Variants in DPP6 observed in about 807,000 individuals in gnomAD.
DPP6 encodes the protein A-type potassium channel modulatory protein DPP6.
DPP6 carries 69 observed loss-of-function variants against 122.6 expected under a neutral mutation model. The ratio of observed to expected loss-of-function variants is 0.56; its 90% CI spans 0.46 to 0.69. The LOEUF is 0.69. DPP6 is among the 30% of genes least tolerant of loss of function. The pLI is 0.00. For missense variants in DPP6, 928 were observed against 1,116.9 expected, an observed-to-expected ratio of 0.83 and a Z score of 2.41; for synonymous variants, 418 against 433.1, an observed-to-expected ratio of 0.97 and a Z score of 0.43.
rs1445310914 is a variant in DPP6 at position 154,321,849 on chromosome 7, C to T, written c.244-124365C>T. Among the ~76,000 whole-genome samples, 3 of 151,516 alleles carry T rather than the reference C, an allele frequency of 2.0e-5. No homozygotes were observed. In the East Asian group the frequency reaches 5.8e-4, roughly 29 times the overall value. ...GGCTTTACAGAGGAGCTTCTCTTCC[C>T]TGCAGGTAGCGGCCTTAGACCCTTG... On this transcript the variant is annotated intron_variant, in intron 1 of 25. Coordinates refer to ENST00000377770, the MANE Select transcript of DPP6 (RefSeq NM_130797.4).
At chr7:154,456,149 C>T (rs1311299795) in intron 2 of DPP6, among the ~76,000 whole-genome samples, 4 of 152,180 alleles carry the variant, frequency 2.6e-5, no homozygotes, top group Admixed American at 2.6e-4. Flanking sequence ...GTAAAATGAA[C>T]TAAGCAGGTC....
intron 1 of DPP6, among the ~76,000 whole-genome samples, chr7:154,266,391 C>T (rs1265381875): frequency 2.0e-5 from 3 of 152,114 alleles, no homozygotes; most frequent in African/African-American, 7.2e-5. Flanking sequence ...CCAGCCTTGG[C>T]CTCCCAAAGT....
At chr7:153,939,080 A>G (rs1480775408) in intron 1 of DPP6, among the ~76,000 whole-genome samples, 12 of 152,214 alleles carry the variant, frequency 7.9e-5, no homozygotes, top group Non-Finnish European at 1.5e-4. Context: ...CTACAATCAG[A>G]AAAATCATAA....
intron 1 of DPP6, among the ~76,000 whole-genome samples, chr7:154,308,692 A>G (rs940151667): frequency 1.3e-5 from 2 of 152,228 alleles, no homozygotes; most frequent in African/African-American, 4.8e-5. Flanking sequence ...TCACAAGCCA[A>G]CGGAGCTCTT....
chr7:154,175,170 A>G (rs1003985275), intron 1 of DPP6, among the ~76,000 whole-genome samples: 1 of 152,120 alleles, frequency 6.6e-6, no homozygotes, highest in Non-Finnish European at 1.5e-5. Flanking sequence ...AGACGTTGTC[A>G]CGAACCCAGT....
intron 1 of DPP6, among the ~76,000 whole-genome samples, chr7:154,422,674 ATGGG>A (rs1817564996): frequency 7.9e-6 from 1 of 126,952 alleles, no homozygotes; most frequent in African/African-American, 2.9e-5. Context: ...GGGTGGGTGG[ATGGG>A]TGGATGGATG....
rs775475197 is a variant in DPP6, at chr7:154,481,680, A to G, written c.457+6643A>G. ...TCTTTTCCCCCAGAGTGGCTCTTAC[A>G]TAGGATGTTCCTTCTGTCCAGCCCA... On this transcript the variant is annotated intron_variant, in intron 3 of 25. Transcript: ENST00000377770. The surrounding 1 kb of genome is among the most constrained non-coding windows in gnomAD (Gnocchi z 4.2). Among the ~76,000 whole-genome samples the G allele has an allele frequency of 2.3e-4, 35 of 152,078 alleles. No individual in the cohort carries two copies. Among genetic ancestry groups the G allele is most frequent in the Middle Eastern group, 3.4e-3 (1 of 294 alleles).
intron 1 of DPP6, among the ~76,000 whole-genome samples, chr7:153,989,081 C>T (rs1256508997): frequency 6.7e-6 from 1 of 150,232 alleles, no homozygotes; most frequent in Admixed American, 6.7e-5. Context: ...GGACAGCGCC[C>T]GCGAGGTGCT....
chr7:154,482,565 C>T (rs1823399792), intron 3 of DPP6, among the ~76,000 whole-genome samples: 2 of 152,156 alleles, frequency 1.3e-5, no homozygotes, highest in Admixed American at 6.5e-5. Flanking sequence ...TCATAGCTCT[C>T]CTTCCAGATA....
chr7:154,865,694 A>T (rs3778739), intron 17 of DPP6, among the ~76,000 whole-genome samples: 2 of 151,920 alleles, frequency 1.3e-5, no homozygotes, highest in Non-Finnish European at 2.9e-5. Flanking sequence ...GTCTGGCCTC[A>T]GTTTTTCCAA....
rs565761546 is a variant in DPP6 at position 154,843,016 on chromosome 7, G to GAAC, written c.1667-10762_1667-10760dup. Reference sequence around the variant, plus strand: ...GATGCATATGTTCACGTGAATTTGGGAACACGCACATAAGAGTGTGTCATT... The same window carrying GAAC: ...GATGCATATGTTCACGTGAATTTGGGAACAACACGCACATAAGAGTGTGTCATT... On this transcript the variant is annotated intron_variant, in intron 16 of 25. Coordinates refer to ENST00000377770, the MANE Select transcript of DPP6 (RefSeq NM_130797.4). 4.6e-5 allele frequency among the ~76,000 whole-genome samples: 7 copies of GAAC among 152,330 alleles called. No homozygotes were observed. The East Asian group carries it at 1.3e-3, about 29-fold the overall frequency.
intron 1 of DPP6, among the ~76,000 whole-genome samples, chr7:154,150,998 T>G (rs1473524326): frequency 6.6e-6 from 1 of 152,204 alleles, no homozygotes; most frequent in Non-Finnish European, 1.5e-5. Context: ...TCCGTGATCT[T>G]GTCTGCAATG....
At position 154,481,024 on chromosome 7, in the gene DPP6, G is replaced by A. The variant is rs1261709106; in HGVS notation, c.457+5987G>A. On this transcript the variant is annotated intron_variant, in intron 3 of 25. Transcript: ENST00000377770. This position sits in a 1 kb window ranked among gnomAD's most constrained non-coding sequence, Gnocchi z 4.2. ...GTTTGGGTGCATGAATACCATGGCAGACTTGGCATCAGTCCACTCGGAGGG... is the reference window on the plus strand; with the variant it reads ...GTTTGGGTGCATGAATACCATGGCAAACTTGGCATCAGTCCACTCGGAGGG... Among the ~76,000 whole-genome samples, 1 of 152,088 alleles carries A rather than the reference G, an allele frequency of 6.6e-6. No individual in the cohort carries two copies. The highest frequency in any genetic ancestry group is 1.5e-5 in the Non-Finnish European group (1 of 68,022).
intron 15 of DPP6, among the ~76,000 whole-genome samples, chr7:154,806,234 C>A (rs1798688353): frequency 6.6e-6 from 1 of 152,222 alleles, no homozygotes; most frequent in South Asian, 2.1e-4. Context: ...TATCTTTGCT[C>A]CTGGAACAAC....
intron 1 of DPP6, among the ~76,000 whole-genome samples, chr7:154,275,104 T>G (rs1804043618): frequency 6.6e-6 from 1 of 152,248 alleles, no homozygotes; most frequent in Non-Finnish European, 1.5e-5. Flanking sequence ...CTGCCAGAGC[T>G]CTTACTGCCC....
In DPP6 at chr7:154,023,318, G is replaced by GCACGCACGCACACA. The variant is rs373378162; in HGVS notation, c.51+135587_51+135588insGCACGCACACACAC. On this transcript the variant is annotated intron_variant, in intron 1 of 25. Transcript: ENST00000404039. ...CAGGCTCTGGAAATGTTTCTTGTCT[G>GCACGCACGCACACA]CACACACACACACACACACACACAC... Among the ~76,000 whole-genome samples the GCACGCACGCACACA allele has an allele frequency of 5.3e-4, 69 of 129,616 alleles. 2 individuals are homozygous for GCACGCACGCACACA. In the South Asian group the frequency reaches 6.2e-3, roughly 12 times the overall value. 85.0% of individuals were successfully genotyped at this position (129,616 alleles called of 152,430 possible). A position where few individuals can be genotyped will look rare whatever the true frequency, so the allele number is the denominator to read the frequency against.
At chr7:154,609,064 A>G (rs1273046159) in intron 5 of DPP6, among the ~76,000 whole-genome samples, 1 of 152,254 alleles carries the variant, frequency 6.6e-6, no homozygotes, top group Non-Finnish European at 1.5e-5. Flanking sequence ...GCCTGTATTC[A>G]GACCTGCTGC....
In DPP6 at chr7:154,875,990, G is replaced by A. The variant is rs1231188839; in HGVS notation, c.1968G>A (p.Val656=). 2 of 1,613,602 alleles carry A rather than the reference G, an allele frequency of 1.2e-6. No individual in the cohort carries two copies. Among genetic ancestry groups the A allele is most frequent in the Admixed American group, 3.3e-5 (2 of 59,996 alleles). The change falls in exon 20 of 26, where the codon GTG becomes GTA. Residue 656 remains valine, a synonymous_variant. Coordinates refer to ENST00000377770, the MANE Select transcript of DPP6 (RefSeq NM_130797.4). The surrounding 1 kb of genome is among the most constrained non-coding windows in gnomAD (Gnocchi z 4.5). ...ETVMVSSHGA[V]VVKCDGRGSG... ...TGATGGTGAGCAGCCACGGCGCGGT[G>A]GTGGTAAAGTGTGACGGCCGTGGCA...
intron 25 of DPP6, 47 bp from the exon 26 acceptor site, chr7:154,892,287 G>A (rs1401098545): frequency 6.2e-7 from 1 of 1,613,178 alleles, no homozygotes. Flanking sequence ...CCCGTCCCCT[G>A]GGGAGCGTAT....
Sources: gnomAD v4.1 joint callset for allele counts (sites outside exome capture counted in the v4.1 genomes callset) on GRCh38, gnomAD v4.1.1 for gene constraint, Gnocchi (gnomAD v3.1) non-coding constraint, MANE v1.5 for transcripts, NCBI Gene and HGNC (gene_info 2026-07-23, HGNC 2026-07-21) for gene names.